Variants in PJA2 observed in about 807,000 individuals in gnomAD.
PJA2 encodes E3 ubiquitin-protein ligase Praja-2.
PJA2 carries 25 observed loss-of-function variants against 69.3 expected under a neutral mutation model. That is an observed-to-expected ratio of 0.36 (90% CI 0.26 to 0.50). The LOEUF is 0.50. Among genes scored for constraint, PJA2 ranks in the 20% least tolerant of loss-of-function variants. PJA2 has a pLI of 0.96. For synonymous variants in PJA2, 308 were observed against 277.8 expected (o/e 1.11, Z -1.08); for missense variants, 809 against 830.2 (o/e 0.97, Z 0.31).
At chr5:109,342,637 G>A (rs1762095418) in intron 9 of PJA2, among the ~76,000 whole-genome samples, 3 of 107,106 alleles carry the variant, frequency 2.8e-5, no homozygotes, top group South Asian at 6.3e-4. Context: ...CAGCCGCCCC[G>A]TCCGGGAGGG....
At chr5:109,408,404 C>T (rs987227977) in intron 1 of PJA2, among the ~76,000 whole-genome samples, 1 of 152,156 alleles carries the variant, frequency 6.6e-6, no homozygotes, top group South Asian at 2.1e-4. Flanking sequence ...CATTCAAACT[C>T]ACGAGATACC....
At chr5:109,376,227 A>C (rs1170107360) in intron 4 of PJA2, among the ~76,000 whole-genome samples, 1 of 146,584 alleles carries the variant, frequency 6.8e-6, no homozygotes, top group Non-Finnish European at 1.5e-5. Context: ...ATTAACTGTA[A>C]ATGTTTTTTC....
At chr5:109,344,101 A>C (rs1198465660) in intron 9 of PJA2, 89 bp downstream of exon 9, 1 of 135,896 alleles carries the variant, frequency 7.4e-6, no homozygotes, top group Non-Finnish European at 1.2e-5. Context: ...TTGTCTCACC[A>C]AAAAAAAAAA....
At chr5:109,368,881 G>A in intron 4 of PJA2, 135 bp from the exon 5 acceptor site, 2 of 868,560 alleles carry the variant, frequency 2.3e-6, no homozygotes, top group South Asian at 3.6e-5. Flanking sequence ...AAATGTTGGA[G>A]ATGGGGCCTG....
Position 109,379,208 on chromosome 5 carries a change from A to G in PJA2, c.279T>C (p.Pro93=). 6.2e-7 allele frequency: 1 copy of G among 1,613,836 alleles called. No homozygotes were observed. The highest frequency in any genetic ancestry group is 1.3e-5 in the African/African-American group (1 of 75,050). Residue 93 remains proline (P), a synonymous_variant, in exon 4 of 10, where the codon CCT becomes CCC. Coordinates refer to ENST00000361189, the MANE Select transcript of PJA2 (RefSeq NM_014819.5). ...TTTCTGTTTCACTTTTTTCAAATAT[A>G]GGTTCACTGGGTAAAGAAGAATCAA... The part of the protein sequence containing the change: ...DQVDSSLPSE[P]IFEKSETEIP...
intron 6 of PJA2, among the ~76,000 whole-genome samples, chr5:109,361,873 G>A (rs1473266459): frequency 6.6e-6 from 1 of 152,198 alleles, no homozygotes; most frequent in Non-Finnish European, 1.5e-5. Context: ...ATCTCAAGAA[G>A]ATGTTCAGTT....
intron 6 of PJA2, among the ~76,000 whole-genome samples, chr5:109,362,585 A>T (rs75085694): frequency 1.3e-5 from 2 of 151,994 alleles, no homozygotes; most frequent in African/African-American, 4.8e-5. Context: ...ATCCAAAACT[A>T]AAAAAAAGTA....
At chr5:109,374,460 C>T (rs1243336392) in intron 4 of PJA2, among the ~76,000 whole-genome samples, 2 of 152,166 alleles carry the variant, frequency 1.3e-5, no homozygotes, top group African/African-American at 4.8e-5. Flanking sequence ...ACAGGAAAGG[C>T]GCTTAATTCA....
intron 1 of PJA2, among the ~76,000 whole-genome samples, chr5:109,405,355 A>T (rs1359248971): frequency 6.6e-6 from 1 of 152,240 alleles, no homozygotes; most frequent in Non-Finnish European, 1.5e-5. Flanking sequence ...TCCTAAATTG[A>T]TCTATGCATT....
At chr5:109,356,094 TA>T in intron 6 of PJA2, 68 bp from the exon 7 acceptor site, 2 of 988,980 alleles carry the variant, frequency 2.0e-6, no homozygotes, top group Non-Finnish European at 1.6e-6. Context: ...GCTGAGGACA[TA>T]ATTATATTAG....
intron 3 of PJA2, among the ~76,000 whole-genome samples, chr5:109,379,767 A>C (rs886197415): frequency 1.3e-5 from 2 of 152,232 alleles, no homozygotes; most frequent in Non-Finnish European, 2.9e-5. Flanking sequence ...ACAAAATTAT[A>C]TCTCAGTATC....
chr5:109,389,019 A>T (rs539716918), intron 1 of PJA2, among the ~76,000 whole-genome samples: 321 of 152,238 alleles, frequency 2.1e-3, no homozygotes, highest in Non-Finnish European at 3.8e-3. Flanking sequence ...CATTCCCCAA[A>T]CAAATCCATG....
chr5:109,406,770 C>T (rs1163822909), intron 1 of PJA2, among the ~76,000 whole-genome samples: 5 of 152,024 alleles, frequency 3.3e-5, no homozygotes, highest in Non-Finnish European at 1.5e-5. Flanking sequence ...TAATAACAGC[C>T]CCAAACTGGA....
intron 7 of PJA2, among the ~76,000 whole-genome samples, chr5:109,349,857 T>G (rs895405731): frequency 6.6e-6 from 1 of 152,176 alleles, no homozygotes; most frequent in Non-Finnish European, 1.5e-5. Flanking sequence ...ATTCCTTATA[T>G]TGAACTTTCC....
Position 109,337,369 on chromosome 5 carries a change from A to G in PJA2, c.2002-13T>C, listed in dbSNP as rs1302034138. On this transcript the variant is annotated splice_polypyrimidine_tract_variant and intron_variant, in intron 9 of 9. Coordinates refer to ENST00000361189, the MANE Select transcript of PJA2 (RefSeq NM_014819.5). ...GGCATGTTCCCGACTGGAGAAAAAA[A>G]AAATGTTAAGAGCCACCAGAATCAT... The G allele has an allele frequency of 5.7e-6, 9 of 1,581,378 alleles. No individual in the cohort carries two copies. Among genetic ancestry groups the G allele is most frequent in the Non-Finnish European group, 7.7e-6 (9 of 1,166,584 alleles).
At chr5:109,343,754 G>C (rs114911485) in intron 9 of PJA2, among the ~76,000 whole-genome samples, 3,242 of 152,174 alleles carry the variant, frequency 0.021, 115 homozygotes, top group African/African-American at 0.074. Context: ...TTTTAACAAT[G>C]AATTAAAAAG....
chr5:109,349,429 C>T (rs1762216256), intron 7 of PJA2, among the ~76,000 whole-genome samples: 1 of 152,162 alleles, frequency 6.6e-6, no homozygotes, highest in Non-Finnish European at 1.5e-5. Flanking sequence ...ATGTTCGTGG[C>T]TTTCTCTAGC....
At chr5:109,362,271 G>A (rs1486361377) in intron 6 of PJA2, among the ~76,000 whole-genome samples, 1 of 152,152 alleles carries the variant, frequency 6.6e-6, no homozygotes, top group African/African-American at 2.4e-5. Context: ...TCTGAGCATT[G>A]TATCGTAAGA....
At chr5:109,387,225 T>C (rs1032885810) in intron 1 of PJA2, among the ~76,000 whole-genome samples, 2 of 152,136 alleles carry the variant, frequency 1.3e-5, no homozygotes, top group Non-Finnish European at 2.9e-5. Context: ...TTAATAGTAG[T>C]TCTTGTGTTA....
Sources: gnomAD v4.1 joint callset for allele counts (sites outside exome capture counted in the v4.1 genomes callset) on GRCh38, gnomAD v4.1.1 for gene constraint, MANE v1.5 for transcripts, NCBI Gene and HGNC (gene_info 2026-07-23, HGNC 2026-07-21) for gene names.